SLC39A12: variants seen among roughly 807,000 people sequenced by gnomAD.
SLC39A12 encodes solute carrier family 39 member 12, also known as zinc transporter ZIP12.
A neutral mutation model predicts 71.1 loss-of-function variants in SLC39A12; 63 were observed. The observed-to-expected ratio is 0.89, with a 90% CI of 0.72 to 1.09. SLC39A12 has a LOEUF of 1.09. Among genes scored for constraint, SLC39A12 ranks in the 50% least tolerant of loss-of-function variants. The pLI is 0.00. For synonymous variants in SLC39A12, 351 were observed against 301.3 expected (o/e 1.16, Z -1.71); for missense variants, 892 against 812.6 (o/e 1.10, Z -1.19).
At position 18,042,878 on chromosome 10, in the gene SLC39A12, A is replaced by T. The variant is rs1837298964; in HGVS notation, c.*45A>T. 1.3e-6 allele frequency: 2 copies of T among 1,538,534 alleles called. No individual in the cohort carries two copies. Among genetic ancestry groups the T allele is most frequent in the African/African-American group, 1.4e-5 (1 of 71,590 alleles). On this transcript the variant is annotated 3_prime_UTR_variant, in exon 13 of 13. Coordinates refer to ENST00000377369, the MANE Select transcript of SLC39A12 (RefSeq NM_001145195.2). Reference sequence around the variant, plus strand: ...TTCAAAAATGCATTTATATAGTCTTACTTTGTTTCTTTCATTGCACTCTAT... The same window carrying T: ...TTCAAAAATGCATTTATATAGTCTTTCTTTGTTTCTTTCATTGCACTCTAT...
chr10:17,978,048 G>A lies in SLC39A12; in HGVS notation c.898G>A (p.Glu300Lys), dbSNP rs996037267. The A allele has an allele frequency of 6.2e-7, 1 of 1,603,900 alleles. No homozygotes were observed. Among genetic ancestry groups the A allele is most frequent in the African/African-American group, 1.3e-5 (1 of 74,240 alleles). ...CTCTTCATCCATGGAAAAAGAGTCT[G>A]AGGATGGTCCAGTTTCCTGGGATCA... ...NFSSSMEKESEDGPVSWDQTC... is the reference protein window; with the variant it reads ...NFSSSMEKESKDGPVSWDQTC... The change falls in exon 5 of 13, where the codon GAG (glutamate) becomes AAG (lysine). Residue 300 changes from glutamate (E) to lysine (K), a missense_variant. Coordinates refer to ENST00000377369, the MANE Select transcript of SLC39A12 (RefSeq NM_001145195.2).
At chr10:18,032,626 T>C (rs975006348) in intron 12 of SLC39A12, among the ~76,000 whole-genome samples, 35 of 150,252 alleles carry the variant, frequency 2.3e-4, no homozygotes, top group African/African-American at 8.5e-4. Context: ...CCTTTCCTAA[T>C]TGAATACCCT....
intron 4 of SLC39A12, among the ~76,000 whole-genome samples, chr10:17,967,681 A>C (rs1339939967): frequency 5.9e-5 from 9 of 151,896 alleles, no homozygotes; most frequent in Admixed American, 5.9e-4. Context: ...CAGGAGATCA[A>C]GACCATCCTG....
chr10:18,040,082 T>A (rs1256751668), intron 12 of SLC39A12, among the ~76,000 whole-genome samples: 1 of 152,192 alleles, frequency 6.6e-6, no homozygotes, highest in African/African-American at 2.4e-5. Context: ...TTAAAACATA[T>A]ACGTAATATA....
intron 2 of SLC39A12, among the ~76,000 whole-genome samples, chr10:17,957,074 G>A (rs1359973786): frequency 9.2e-5 from 14 of 152,116 alleles, no homozygotes; most frequent in Admixed American, 5.9e-4. Flanking sequence ...CTTCTTTTAA[G>A]TTCTCAAGTT....
At chr10:18,001,860 CA>C (rs1835843803) in intron 11 of SLC39A12, 1 of 151,510 alleles carries the variant, frequency 6.6e-6, no homozygotes, top group African/African-American at 2.4e-5. Context: ...TTTAAATGTA[CA>C]AATTAAATTA....
At chr10:18,029,424 C>A (rs1206638779) in intron 12 of SLC39A12, among the ~76,000 whole-genome samples, 1 of 152,114 alleles carries the variant, frequency 6.6e-6, no homozygotes, top group East Asian at 1.9e-4. Flanking sequence ...CAGAAAATTA[C>A]AACTTCTTGA....
intron 4 of SLC39A12, among the ~76,000 whole-genome samples, chr10:17,971,756 A>G (rs190211022): frequency 1.3e-3 from 196 of 151,918 alleles, no homozygotes; most frequent in Admixed American, 3.9e-3. Context: ...AGGCTTGTCA[A>G]TGTTCTTTAA....
At position 18,042,771 on chromosome 10, in the gene SLC39A12, T is replaced by C. The variant is rs1242127133; in HGVS notation, c.2014T>C (p.Leu672=). 3.1e-6 allele frequency: 5 copies of C among 1,613,646 alleles called. No individual in the cohort carries two copies. The highest frequency in any genetic ancestry group is 3.3e-5 in the Admixed American group (2 of 59,916). Residue 672 remains leucine, a synonymous_variant, in exon 13 of 13, where the codon TTG becomes CTG. Transcript: ENST00000377369. ...GATGTTTCTCCTGCAAAACTTTGGA[T>C]TGATCCTAGGTTGGCTTTCTCTCCT... ...WMMFLLQNFG[L]ILGWLSLLLL...
intron 2 of SLC39A12, among the ~76,000 whole-genome samples, chr10:17,955,241 T>C (rs1200673694): frequency 1.3e-5 from 2 of 152,184 alleles, no homozygotes; most frequent in African/African-American, 4.8e-5. Context: ...TCTGTGACAG[T>C]ATCAGGAGTT....
chr10:17,954,197 C>T (rs1834480892), intron 2 of SLC39A12, among the ~76,000 whole-genome samples: 1 of 152,124 alleles, frequency 6.6e-6, no homozygotes, highest in Admixed American at 6.5e-5. Flanking sequence ...CCTCTAGAGA[C>T]TGAGATTTTA....
chr10:17,971,083 G>A (rs1232700440), intron 4 of SLC39A12, among the ~76,000 whole-genome samples: 1 of 151,828 alleles, frequency 6.6e-6, no homozygotes, highest in Non-Finnish European at 1.5e-5. Context: ...TGTTTATTTG[G>A]TTGATGTGAT....
At chr10:17,985,839 A>T (rs571480348) in intron 6 of SLC39A12, among the ~76,000 whole-genome samples, 21 of 152,090 alleles carry the variant, frequency 1.4e-4, no homozygotes, top group African/African-American at 4.8e-4. Context: ...CTTTATAAAT[A>T]TTTTTTTAAA....
chr10:17,972,569 A>G (rs1835002669), intron 4 of SLC39A12, among the ~76,000 whole-genome samples: 1 of 152,072 alleles, frequency 6.6e-6, no homozygotes, highest in South Asian at 2.1e-4. Context: ...CTGGATTGAC[A>G]CTTTTATCAT....
chr10:17,991,383 AAAGTAATG>A (rs1240337662), intron 8 of SLC39A12, 80 bp downstream of exon 8: 1 of 1,240,708 alleles, frequency 8.1e-7, no homozygotes, highest in African/African-American at 1.6e-5. Flanking sequence ...TACTTGTTCA[AAAGTAATG>A]AAGTTGCCTG....
intron 12 of SLC39A12, among the ~76,000 whole-genome samples, chr10:18,039,849 T>G (rs896067569): frequency 1.3e-5 from 2 of 152,246 alleles, no homozygotes; most frequent in East Asian, 3.8e-4. Context: ...ATATAAGCCT[T>G]AATCTAGAAT....
chr10:18,040,266 A>G (rs1410385865), intron 12 of SLC39A12, among the ~76,000 whole-genome samples: 1 of 152,174 alleles, frequency 6.6e-6, no homozygotes. Flanking sequence ...AACCTGGCAT[A>G]AAGACACCAA....
At chr10:17,985,755 CT>C (rs1835382468) in intron 6 of SLC39A12, among the ~76,000 whole-genome samples, 1 of 152,008 alleles carries the variant, frequency 6.6e-6, no homozygotes, top group East Asian at 1.9e-4. Flanking sequence ...AATCTTATCT[CT>C]TCCCTTTTCT....
chr10:18,024,581 C>G (rs1836622728), intron 12 of SLC39A12, among the ~76,000 whole-genome samples: 1 of 152,178 alleles, frequency 6.6e-6, no homozygotes, highest in African/African-American at 2.4e-5. Context: ...CCTGGATGAT[C>G]TAGTTGAAGA....
Sources: allele counts gnomAD v4.1 joint callset (sites outside exome capture counted in the v4.1 genomes callset), GRCh38; gene constraint gnomAD v4.1.1; transcripts MANE v1.5; gene names NCBI Gene and HGNC (gene_info 2026-07-23, HGNC 2026-07-21).